KDM2A: variants seen among roughly 807,000 people sequenced by gnomAD.
KDM2A encodes lysine demethylase 2A.
KDM2A carries 3 observed loss-of-function variants against 137.3 expected under a neutral mutation model. The ratio of observed to expected loss-of-function variants is 0.02; its 90% CI spans 0.01 to 0.06. The LOEUF is 0.06. KDM2A is among the 10% of genes least tolerant of loss of function. The pLI is 1.00. For synonymous variants in KDM2A, 512 were observed against 541.5 expected, an observed-to-expected ratio of 0.95 and a Z score of 0.76; for missense variants, 738 against 1,510.6, an observed-to-expected ratio of 0.49 and a Z score of 8.48.
chr11:67,136,521 G>A (rs575184296), intron 2 of KDM2A, among the ~76,000 whole-genome samples: 14 of 152,318 alleles, frequency 9.2e-5, no homozygotes, highest in African/African-American at 2.9e-4. Flanking sequence ...TCTAAATGCT[G>A]TGGTTTCAGA....
intron 5 of KDM2A, among the ~76,000 whole-genome samples, chr11:67,199,913 G>T (rs1260924913): frequency 6.6e-6 from 1 of 152,148 alleles, no homozygotes; most frequent in Non-Finnish European, 1.5e-5. Context: ...TCTCTTGTTA[G>T]GGGCTAATGC....
intron 10 of KDM2A, among the ~76,000 whole-genome samples, chr11:67,225,823 G>C (rs1590804812): frequency 6.6e-6 from 1 of 152,000 alleles, no homozygotes; most frequent in East Asian, 1.9e-4. Context: ...CCAGCACTTT[G>C]GGAGGCTGAG....
At chr11:67,209,247 T>A (rs1302172528) in intron 6 of KDM2A, among the ~76,000 whole-genome samples, 1 of 151,812 alleles carries the variant, frequency 6.6e-6, no homozygotes, top group Non-Finnish European at 1.5e-5. Flanking sequence ...GGAACTATTT[T>A]TGTATTAGTA....
intron 5 of KDM2A, among the ~76,000 whole-genome samples, chr11:67,206,715 C>T (rs942937241): frequency 1.1e-4 from 16 of 152,214 alleles, no homozygotes; most frequent in Admixed American, 6.5e-4. Flanking sequence ...CCAGCCTGAG[C>T]GACAGAGCGA....
intron 3 of KDM2A, among the ~76,000 whole-genome samples, chr11:67,181,004 A>G (rs1857080628): frequency 6.7e-6 from 1 of 149,126 alleles, no homozygotes; most frequent in Non-Finnish European, 1.5e-5. Context: ...GGGTGATGAT[A>G]ATTTCTGTTT....
intron 2 of KDM2A, among the ~76,000 whole-genome samples, chr11:67,131,216 C>T (rs563391570): frequency 4.6e-5 from 7 of 151,564 alleles, no homozygotes; most frequent in African/African-American, 1.5e-4. Flanking sequence ...CCCAGCTACT[C>T]GGGAGGCTGA....
At chr11:67,216,564 A>G (rs978723549) in intron 8 of KDM2A, among the ~76,000 whole-genome samples, 1 of 152,214 alleles carries the variant, frequency 6.6e-6, no homozygotes, top group African/African-American at 2.4e-5. Context: ...TCTAACTTGC[A>G]GTGAATGCAT....
chr11:67,231,173 AT>A (rs1473934821), intron 11 of KDM2A, among the ~76,000 whole-genome samples: 1 of 152,042 alleles, frequency 6.6e-6, no homozygotes, highest in African/African-American at 2.4e-5. Context: ...GGCTAAAACT[AT>A]TTTTTAAACA....
At chr11:67,145,032 A>C (rs948341006) in intron 2 of KDM2A, among the ~76,000 whole-genome samples, 1 of 149,840 alleles carries the variant, frequency 6.7e-6, no homozygotes, top group Non-Finnish European at 1.5e-5. Context: ...ATCATGCCCA[A>C]CTACTTTTTT....
At chr11:67,205,728 C>T (rs550216209) in intron 5 of KDM2A, among the ~76,000 whole-genome samples, 136 of 152,132 alleles carry the variant, frequency 8.9e-4, no homozygotes, top group Middle Eastern at 3.4e-3. Flanking sequence ...GCTGTCTGCC[C>T]GTCTTGACCT....
At chr11:67,144,711 G>A (rs1005139987) in intron 2 of KDM2A, among the ~76,000 whole-genome samples, 8 of 151,446 alleles carry the variant, frequency 5.3e-5, no homozygotes, top group African/African-American at 1.7e-4. Context: ...GTACCGGCAC[G>A]CACCACGAAG....
chr11:67,124,862 CT>C (rs1266365913), intron 2 of KDM2A, among the ~76,000 whole-genome samples: 207 of 142,400 alleles, frequency 1.5e-3, no homozygotes, highest in Admixed American at 1.7e-3. Flanking sequence ...CTTTTTCTTT[CT>C]TTTTTTTTTT....
chr11:67,224,078 A>T (rs1027921143), intron 10 of KDM2A, among the ~76,000 whole-genome samples: 1 of 152,176 alleles, frequency 6.6e-6, no homozygotes, highest in Non-Finnish European at 1.5e-5. Flanking sequence ...CTGCCTTGCC[A>T]TGGGGAGAGT....
intron 2 of KDM2A, among the ~76,000 whole-genome samples, chr11:67,135,257 A>G (rs898732875): frequency 6.6e-6 from 1 of 151,948 alleles, no homozygotes; most frequent in Non-Finnish European, 1.5e-5. Context: ...TAGTAGAGAA[A>G]AAGTTTCAGC....
intron 5 of KDM2A, among the ~76,000 whole-genome samples, chr11:67,201,279 G>C (rs188659829): frequency 3.3e-5 from 5 of 151,688 alleles, no homozygotes; most frequent in Admixed American, 2.0e-4. Flanking sequence ...TAGTGATTCT[G>C]CTGGTAAATC....
intron 2 of KDM2A, among the ~76,000 whole-genome samples, chr11:67,157,260 C>CCAAAAT (rs1177586865): frequency 1.3e-5 from 2 of 148,672 alleles, no homozygotes; most frequent in Non-Finnish European, 3.0e-5. Context: ...TGGCAGTGAG[C>CCAAAAT]CAAAATCGCG....
rs145472106 is a variant in KDM2A at position 67,217,963 on chromosome 11, A to G, written c.841+79A>G. Reference sequence around the variant, plus strand: ...AGAAATTGATGGATTACCACCAAGAATAGTTATGATGCTGGGCGTCTGCAG... The same window carrying G: ...AGAAATTGATGGATTACCACCAAGAGTAGTTATGATGCTGGGCGTCTGCAG... On this transcript the variant is annotated intron_variant, in intron 9 of 20. Transcript: ENST00000529006. The G allele has an allele frequency of 3.0e-3, 3,765 of 1,236,334 alleles. 7 individuals are homozygous for G. The highest frequency in any genetic ancestry group is 3.9e-3 in the Non-Finnish European group (3,509 of 898,134). The allele number at this position is 1,236,334 out of a possible 1,614,324, so 76.6% of individuals were successfully genotyped here.
chr11:67,226,513 G>C (rs1013105272), intron 10 of KDM2A, among the ~76,000 whole-genome samples: 1 of 152,154 alleles, frequency 6.6e-6, no homozygotes, highest in Non-Finnish European at 1.5e-5. Flanking sequence ...ACGAGGTCAG[G>C]AGATCGAGAC....
At chr11:67,153,695 G>C (rs1014301635) in intron 2 of KDM2A, among the ~76,000 whole-genome samples, 1 of 151,860 alleles carries the variant, frequency 6.6e-6, no homozygotes, top group African/African-American at 2.4e-5. Flanking sequence ...TGGTGAGGTA[G>C]TCCCAGCTAC....
Sources: gnomAD v4.1 joint callset for allele counts (sites outside exome capture counted in the v4.1 genomes callset) on GRCh38, gnomAD v4.1.1 for gene constraint, MANE v1.5 for transcripts, NCBI Gene and HGNC (gene_info 2026-07-23, HGNC 2026-07-21) for gene names.